The following NRG3 variants were observed in gnomAD, a reference collection of about 807,000 sequenced individuals.
NRG3 encodes pro-neuregulin-3, membrane-bound isoform.
In NRG3, 31 loss-of-function variants were observed where a neutral mutation model predicts 66.9. The ratio of observed to expected loss-of-function variants is 0.46; its 90% CI spans 0.35 to 0.63. The LOEUF is 0.63. NRG3 is among the 20% of genes least tolerant of loss of function. The pLI is 0.00. For missense variants in NRG3, 910 were observed against 878.9 expected, an observed-to-expected ratio of 1.04 and a Z score of -0.45; for synonymous variants, 393 against 359.4, an observed-to-expected ratio of 1.09 and a Z score of -1.06.
intron 2 of NRG3, among the ~76,000 whole-genome samples, chr10:82,461,975 A>G (rs2091536751): frequency 6.6e-6 from 1 of 152,114 alleles, no homozygotes; most frequent in African/African-American, 2.4e-5. Context: ...TACTAAAAAT[A>G]CAAAAATTAG....
intron 4 of NRG3, among the ~76,000 whole-genome samples, chr10:82,946,250 C>T (rs967717229): frequency 6.8e-6 from 1 of 146,362 alleles, no homozygotes; most frequent in Non-Finnish European, 1.5e-5. Flanking sequence ...CTTTAAAAGA[C>T]AAGCAGAAGG....
rs888011047 is a variant in NRG3 at position 82,303,189 on chromosome 10, A to G, written c.824-55550A>G. Among the ~76,000 whole-genome samples, 3 of 152,182 alleles carry G rather than the reference A, an allele frequency of 2.0e-5. No homozygotes were observed. The East Asian group carries it at 5.8e-4, about 29-fold the overall frequency. On this transcript the variant is annotated intron_variant, in intron 1 of 8. Coordinates refer to ENST00000372141, the MANE Select transcript of NRG3 (RefSeq NM_001010848.4). ...GATGTTCACTCCATCTTCCACCTCA[A>G]AGCCTGGGTTTTATTAAAATAGTTC...
chr10:82,089,794 C>A (rs1201394215), intron 1 of NRG3, among the ~76,000 whole-genome samples: 1 of 151,656 alleles, frequency 6.6e-6, no homozygotes, highest in African/African-American at 2.4e-5. Flanking sequence ...ACATTTCAAT[C>A]TTTCTTTTAA....
chr10:82,441,661 G>C (rs2090438734), intron 2 of NRG3, among the ~76,000 whole-genome samples: 1 of 152,158 alleles, frequency 6.6e-6, no homozygotes, highest in Non-Finnish European at 1.5e-5. Flanking sequence ...TCTTTAAGAA[G>C]AGGGACAAAA....
chr10:82,142,118 T>C (rs1417988745), intron 1 of NRG3, among the ~76,000 whole-genome samples: 1 of 152,218 alleles, frequency 6.6e-6, no homozygotes, highest in African/African-American at 2.4e-5. Flanking sequence ...TAGCTCTTAC[T>C]AATTCATCCA....
chr10:82,683,077 G>A (rs537963255), intron 2 of NRG3, among the ~76,000 whole-genome samples: 3 of 145,050 alleles, frequency 2.1e-5, no homozygotes, highest in Non-Finnish European at 4.5e-5. Flanking sequence ...TCCTGCCTTA[G>A]CCTCCTGAAC....
chr10:82,238,999 A>T (rs1350438152), intron 1 of NRG3, among the ~76,000 whole-genome samples: 1 of 148,734 alleles, frequency 6.7e-6, no homozygotes, highest in Non-Finnish European at 1.5e-5. Flanking sequence ...ATATTTTCTC[A>T]TGGTTTTTTC....
intron 2 of NRG3, among the ~76,000 whole-genome samples, chr10:82,444,047 C>T (rs2090583478): frequency 6.6e-6 from 1 of 152,162 alleles, no homozygotes; most frequent in South Asian, 2.1e-4. Flanking sequence ...CAACATTTGG[C>T]AGTCCTTCTC....
chr10:81,980,816 C>T (rs1279580876), intron 1 of NRG3, among the ~76,000 whole-genome samples: 1 of 152,222 alleles, frequency 6.6e-6, no homozygotes, highest in Non-Finnish European at 1.5e-5. Flanking sequence ...TGCAGATGGC[C>T]ACCTTCTTGC....
chr10:82,383,427 T>A (rs949744343), intron 2 of NRG3, among the ~76,000 whole-genome samples: 39 of 151,526 alleles, frequency 2.6e-4, no homozygotes, highest in Middle Eastern at 3.5e-3. Flanking sequence ...TTTCCTTTTT[T>A]AAAAAAAACA....
chr10:82,078,296 A>G (rs1046843329), intron 1 of NRG3, among the ~76,000 whole-genome samples: 9 of 152,114 alleles, frequency 5.9e-5, no homozygotes, highest in Non-Finnish European at 1.3e-4. Context: ...AAAATAGGAG[A>G]TGAAGGTGAA....
At chr10:82,867,174 A>G (rs957883817) in intron 4 of NRG3, among the ~76,000 whole-genome samples, 3 of 152,144 alleles carry the variant, frequency 2.0e-5, no homozygotes, top group African/African-American at 7.2e-5. Flanking sequence ...AGGTAGATGT[A>G]TTTCCTGTTT....
intron 2 of NRG3, among the ~76,000 whole-genome samples, chr10:82,566,363 A>G (rs886137343): frequency 1.3e-5 from 2 of 152,016 alleles, no homozygotes; most frequent in African/African-American, 2.4e-5. Context: ...AATCGAAGAA[A>G]AATGCTTCGT....
At chr10:82,123,686 A>G (rs1280742747) in intron 1 of NRG3, among the ~76,000 whole-genome samples, 1 of 152,170 alleles carries the variant, frequency 6.6e-6, no homozygotes, top group Admixed American at 6.6e-5. Flanking sequence ...TGCTGGTGTC[A>G]TTAGTTTTTG....
chr10:82,689,533 G>A (rs2054764819), intron 2 of NRG3, among the ~76,000 whole-genome samples: 2 of 152,152 alleles, frequency 1.3e-5, no homozygotes, highest in South Asian at 2.1e-4. Flanking sequence ...TAAAGCCCCA[G>A]TAGCAGTCAA....
intron 3 of NRG3, among the ~76,000 whole-genome samples, chr10:82,853,531 A>T (rs2063663995): frequency 6.6e-6 from 1 of 151,888 alleles, no homozygotes; most frequent in Non-Finnish European, 1.5e-5. Flanking sequence ...TATATTCCTA[A>T]GTATTTTTTT....
chr10:82,011,547 CA>C (rs1381206562), intron 1 of NRG3, among the ~76,000 whole-genome samples: 1 of 152,230 alleles, frequency 6.6e-6, no homozygotes, highest in Non-Finnish European at 1.5e-5. Flanking sequence ...TCCAACAGTC[CA>C]AAGTCTCATT....
rs190436659 is a variant in NRG3, at chr10:82,269,867, G to T, written c.824-88872G>T. Among the ~76,000 whole-genome samples the T allele has an allele frequency of 4.5e-4, 68 of 152,152 alleles. 1 individual carries two copies. The East Asian group carries it at 0.011, about 25-fold the overall frequency. On this transcript the variant is annotated intron_variant, in intron 1 of 8. Coordinates refer to ENST00000372141, the MANE Select transcript of NRG3 (RefSeq NM_001010848.4). Reference sequence around the variant, plus strand: ...CAAGGACCACACTTTGAAAGACACGGATTTCCTGCACAAGTCTGGAGCCAG... The same window carrying T: ...CAAGGACCACACTTTGAAAGACACGTATTTCCTGCACAAGTCTGGAGCCAG...
chr10:82,420,202 TC>T (rs957843069), intron 2 of NRG3, among the ~76,000 whole-genome samples: 2 of 152,108 alleles, frequency 1.3e-5, no homozygotes. Context: ...AGCCATTGTG[TC>T]CTGGTAATGG....
Sources: allele counts gnomAD v4.1 joint callset (sites outside exome capture counted in the v4.1 genomes callset), GRCh38; gene constraint gnomAD v4.1.1; transcripts MANE v1.5; gene names NCBI Gene and HGNC (gene_info 2026-07-23, HGNC 2026-07-21).